RBFOX1: variants seen among roughly 807,000 people sequenced by gnomAD.
The protein encoded by RBFOX1 is RNA binding protein fox-1 homolog 1.
RBFOX1 carries 8 observed loss-of-function variants against 57.7 expected under a neutral mutation model. That is an observed-to-expected ratio of 0.14 (90% CI 0.08 to 0.25). The LOEUF (loss-of-function observed/expected upper bound fraction) is 0.25, where lower values mean the gene tolerates loss of function less well. Ranked by LOEUF, RBFOX1 falls within the 10% of genes least tolerant of loss-of-function variation. The probability of loss-of-function intolerance (pLI) is 1.00; values close to 1 mark genes in which losing one functional copy is unlikely to be tolerated. For synonymous variants in RBFOX1, 326 were observed against 222.4 expected, an observed-to-expected ratio of 1.47 and a Z score of -4.15; for missense variants, 611 against 548.5, an observed-to-expected ratio of 1.11 and a Z score of -1.14.
intron 1 of RBFOX1, among the ~76,000 whole-genome samples, chr16:5,347,600 C>A (rs1041551467): frequency 1.3e-5 from 2 of 151,554 alleles, no homozygotes; most frequent in Admixed American, 1.3e-4. Flanking sequence ...ACCCATCCAC[C>A]CACCCATGCT....
chr16:6,729,243 G>C (rs973628906), intron 3 of RBFOX1, among the ~76,000 whole-genome samples: 1 of 152,138 alleles, frequency 6.6e-6, no homozygotes, highest in African/African-American at 2.4e-5. Context: ...CCAGACCCCA[G>C]GGATTCTGAT....
chr16:5,941,442 A>G (rs1038749818), intron 4 of RBFOX1, among the ~76,000 whole-genome samples: 1 of 151,814 alleles, frequency 6.6e-6, no homozygotes, highest in Non-Finnish European at 1.5e-5. Context: ...GTGAGCTATG[A>G]TAGCTCTTCT....
intron 2 of RBFOX1, among the ~76,000 whole-genome samples, chr16:5,552,520 T>C (rs2045504832): frequency 6.6e-6 from 1 of 152,182 alleles, no homozygotes; most frequent in South Asian, 2.1e-4. Flanking sequence ...ACCACACACC[T>C]AGTCAGGGGC....
chr16:7,601,897 C>A (rs970617359), intron 9 of RBFOX1, among the ~76,000 whole-genome samples: 2 of 152,088 alleles, frequency 1.3e-5, no homozygotes, highest in African/African-American at 4.8e-5. Context: ...ATTCAGTGAA[C>A]CCAAACAAAA....
At chr16:6,118,582 T>A (rs972572575) in intron 1 of RBFOX1, among the ~76,000 whole-genome samples, 2 of 151,942 alleles carry the variant, frequency 1.3e-5, no homozygotes, top group Non-Finnish European at 2.9e-5. Context: ...TTTCTCTCTC[T>A]CCTTCTCTCC....
intron 4 of RBFOX1, among the ~76,000 whole-genome samples, chr16:7,239,306 C>G (rs1050145866): frequency 6.6e-6 from 1 of 152,040 alleles, no homozygotes; most frequent in African/African-American, 2.4e-5. Context: ...TGAGACCAGC[C>G]TGGACAACAT....
Position 6,710,085 on chromosome 16 carries a change from G to T in RBFOX1, c.-16+55435G>T, listed in dbSNP as rs111896175. Among the ~76,000 whole-genome samples, 432 of 152,168 alleles carry T rather than the reference G, an allele frequency of 2.8e-3. 3 individuals are homozygous for T. The highest frequency in any genetic ancestry group is 0.01 in the African/African-American group (416 of 41,526). The stretch of plus-strand genomic sequence containing the variant: ...AAGAGGTGATTTGCCCTATTTGTGG[G>T]GTATTGGGGAGGGAACCACAGCAAA... On this transcript the variant is annotated intron_variant, in intron 3 of 15. Transcript: ENST00000550418.
At chr16:7,652,694 C>A (rs2065337397) in intron 11 of RBFOX1, among the ~76,000 whole-genome samples, 1 of 152,220 alleles carries the variant, frequency 6.6e-6, no homozygotes, top group Admixed American at 6.5e-5. Flanking sequence ...GCATGAGCCA[C>A]CGCGCCCAGC....
At chr16:6,434,900 T>C (rs1330480919) in intron 2 of RBFOX1, among the ~76,000 whole-genome samples, 3 of 152,212 alleles carry the variant, frequency 2.0e-5, no homozygotes, top group Non-Finnish European at 4.4e-5. Context: ...GGAGGTTAAA[T>C]GATAAATGAC....
chr16:7,530,187 G>A (rs545218397), intron 5 of RBFOX1, among the ~76,000 whole-genome samples: 5 of 152,080 alleles, frequency 3.3e-5, no homozygotes, highest in African/African-American at 1.2e-4. Flanking sequence ...CTCAGGTTCA[G>A]AGACAGAAAG....
At chr16:7,128,818 C>CTTTTTTTTTTTTTTTTTTTTTTTTTTTGT (rs759893956) in intron 4 of RBFOX1, among the ~76,000 whole-genome samples, 1 of 126,970 alleles carries the variant, frequency 7.9e-6, no homozygotes, top group Non-Finnish European at 1.6e-5. Context: ...TTTCTTTTTA[C>CTTTTTTTTTTTTTTTTTTTTTTTTTTTGT]TTTTTTTTTT....
In RBFOX1 at chr16:6,333,133, G is replaced by A. The variant is rs541642365; in HGVS notation, c.-64+16076G>A. Among the ~76,000 whole-genome samples, 3 of 152,068 alleles carry A rather than the reference G, an allele frequency of 2.0e-5. No individual in the cohort carries two copies. The East Asian group carries it at 5.8e-4, about 30-fold the overall frequency. On this transcript the variant is annotated intron_variant, in intron 2 of 15. Coordinates refer to ENST00000550418, the MANE Select transcript of RBFOX1 (RefSeq NM_018723.4). ...CCCCTCAATGCAGCCTCTGTCTCCC[G>A]GGCTCAAGCAATTCTCCTGACTCAG...
At chr16:7,168,783 C>G (rs554223646) in intron 4 of RBFOX1, among the ~76,000 whole-genome samples, 65 of 152,298 alleles carry the variant, frequency 4.3e-4, no homozygotes, top group Non-Finnish European at 9.0e-4. Flanking sequence ...CATCCAAATA[C>G]AACAATTTTG....
At chr16:5,382,249 T>A (rs1018907715) in intron 1 of RBFOX1, among the ~76,000 whole-genome samples, 2 of 152,214 alleles carry the variant, frequency 1.3e-5, no homozygotes. Flanking sequence ...GGGTACCACA[T>A]CTTTTATGTT....
intron 2 of RBFOX1, among the ~76,000 whole-genome samples, chr16:6,336,340 C>T (rs2083750535): frequency 6.7e-6 from 1 of 150,306 alleles, no homozygotes; most frequent in South Asian, 2.1e-4. Flanking sequence ...GGACTATAGG[C>T]GCCCGCCACC....
intron 3 of RBFOX1, among the ~76,000 whole-genome samples, chr16:6,719,222 T>A (rs1412624904): frequency 6.6e-6 from 1 of 152,022 alleles, no homozygotes; most frequent in Non-Finnish European, 1.5e-5. Context: ...TTCACTACTT[T>A]CCTTCATAGT....
chr16:5,264,477 G>C (rs2062811417), intron 1 of RBFOX1, among the ~76,000 whole-genome samples: 1 of 152,200 alleles, frequency 6.6e-6, no homozygotes, highest in African/African-American at 2.4e-5. Context: ...TAGAAAAACA[G>C]AGAAAATGTC....
chr16:5,374,159 A>C (rs1658655513), intron 1 of RBFOX1, among the ~76,000 whole-genome samples: 1 of 152,190 alleles, frequency 6.6e-6, no homozygotes, highest in African/African-American at 2.4e-5. Context: ...GCTAGTCTTG[A>C]ACTCCTGAGC....
chr16:7,084,439 G>T (rs960881762), intron 4 of RBFOX1, among the ~76,000 whole-genome samples: 3 of 152,142 alleles, frequency 2.0e-5, no homozygotes, highest in Non-Finnish European at 4.4e-5. Flanking sequence ...ATGTGAATTT[G>T]CATGGACCTA....
Sources: gnomAD v4.1 joint callset for allele counts (sites outside exome capture counted in the v4.1 genomes callset) on GRCh38, gnomAD v4.1.1 for gene constraint, MANE v1.5 for transcripts, NCBI Gene and HGNC (gene_info 2026-07-23, HGNC 2026-07-21) for gene names.